The following CACNG3 variants were observed in gnomAD, a reference collection of about 807,000 sequenced individuals.
CACNG3 encodes voltage-dependent calcium channel gamma-3 subunit.
CACNG3 carries 3 observed loss-of-function variants against 28.5 expected under a neutral mutation model. That is an observed-to-expected ratio of 0.11 (90% CI 0.05 to 0.27). CACNG3 has a LOEUF of 0.27. Ranked by LOEUF, CACNG3 falls within the 10% of genes least tolerant of loss-of-function variation. The probability of loss-of-function intolerance (pLI) is 1.00; values close to 1 mark genes in which losing one functional copy is unlikely to be tolerated. For synonymous variants in CACNG3, 174 were observed against 162.2 expected, an observed-to-expected ratio of 1.07 and a Z score of -0.55; for missense variants, 236 against 414.4, an observed-to-expected ratio of 0.57 and a Z score of 3.74.
intron 1 of CACNG3, among the ~76,000 whole-genome samples, chr16:24,326,276 A>C (rs1163123277): frequency 6.6e-6 from 1 of 151,026 alleles, no homozygotes; most frequent in African/African-American, 2.4e-5. Context: ...GGTTCAAGCA[A>C]TTTTCCTCCC....
At chr16:24,303,082 C>T (rs908054520) in intron 1 of CACNG3, among the ~76,000 whole-genome samples, 1 of 152,108 alleles carries the variant, frequency 6.6e-6, no homozygotes, top group Non-Finnish European at 1.5e-5. Flanking sequence ...ACGTGAACCA[C>T]CGCACATGGC....
At chr16:24,288,452 G>T (rs1467259693) in intron 1 of CACNG3, among the ~76,000 whole-genome samples, 1 of 152,154 alleles carries the variant, frequency 6.6e-6, no homozygotes, top group African/African-American at 2.4e-5. Flanking sequence ...AGTATCGCTC[G>T]TGCTTTGGAA....
At chr16:24,292,210 C>G (rs1230082667) in intron 1 of CACNG3, among the ~76,000 whole-genome samples, 1 of 152,154 alleles carries the variant, frequency 6.6e-6, no homozygotes, top group Admixed American at 6.5e-5. Flanking sequence ...CTGTGCCAAA[C>G]AGCTCGATTT....
chr16:24,329,968 T>C (rs1203333485), intron 1 of CACNG3, among the ~76,000 whole-genome samples: 2 of 152,066 alleles, frequency 1.3e-5, no homozygotes, highest in Admixed American at 6.6e-5. Flanking sequence ...CCACAGAGGA[T>C]GGAGGTTGCA....
At position 24,361,970 on chromosome 16, in the gene CACNG3, A is replaced by G. The variant is rs1900108674; in HGVS notation, c.*107A>G. On this transcript the variant is annotated 3_prime_UTR_variant, in exon 4 of 4. Transcript: ENST00000005284. The surrounding 1 kb of genome is among the most constrained non-coding windows in gnomAD (Gnocchi z 6.8). ...TCCTTGTGATGGTATTACTTTTTAC[A>G]AAGAATGAAACCAAATGGACTCAGC... is the stretch of plus-strand genomic sequence containing the variant. The G allele has an allele frequency of 5.9e-6, 7 of 1,185,590 alleles. No individual in the cohort carries two copies. The Admixed American group carries it at 7.7e-5, about 13-fold the overall frequency. 73.4% of individuals were successfully genotyped at this position (1,185,590 alleles called of 1,614,324 possible). A position where few individuals can be genotyped will look rare whatever the true frequency, so the allele number is the denominator to read the frequency against.
intron 1 of CACNG3, among the ~76,000 whole-genome samples, chr16:24,257,482 T>A (rs1898481534): frequency 6.9e-6 from 1 of 145,652 alleles, no homozygotes; most frequent in South Asian, 2.2e-4. Flanking sequence ...CAACATAGAC[T>A]TATCAGTTTC....
chr16:24,327,995 C>T (rs993602876), intron 1 of CACNG3, among the ~76,000 whole-genome samples: 1 of 152,168 alleles, frequency 6.6e-6, no homozygotes, highest in Non-Finnish European at 1.5e-5. Context: ...GTACTCATCC[C>T]ATACATTCAT....
intron 1 of CACNG3, among the ~76,000 whole-genome samples, chr16:24,307,953 G>A (rs1899208246): frequency 6.6e-6 from 1 of 152,158 alleles, no homozygotes; most frequent in African/African-American, 2.4e-5. Context: ...CAGCAGCCCA[G>A]GGCTTGCAAT....
intron 2 of CACNG3, among the ~76,000 whole-genome samples, chr16:24,353,876 A>G (rs1299489176): frequency 6.6e-6 from 1 of 152,144 alleles, no homozygotes; most frequent in Non-Finnish European, 1.5e-5. Flanking sequence ...CGTCATTTGC[A>G]GGGTCCAGTG....
At chr16:24,319,694 T>C (rs1899431723) in intron 1 of CACNG3, among the ~76,000 whole-genome samples, 1 of 152,112 alleles carries the variant, frequency 6.6e-6, no homozygotes, top group Admixed American at 6.5e-5. Flanking sequence ...CCTCAAGCAA[T>C]CCTTCTGCCT....
chr16:24,258,170 C>T (rs917425016), intron 1 of CACNG3, among the ~76,000 whole-genome samples: 13 of 152,330 alleles, frequency 8.5e-5, no homozygotes, highest in African/African-American at 3.1e-4. Context: ...TGAGAACTTG[C>T]ATTTATGTAA....
At chr16:24,303,928 A>T (rs1436784697) in intron 1 of CACNG3, among the ~76,000 whole-genome samples, 1 of 152,110 alleles carries the variant, frequency 6.6e-6, no homozygotes, top group Non-Finnish European at 1.5e-5. Flanking sequence ...GAACAAAAGA[A>T]TTAGGTGGTG....
rs1898465058 is a variant in CACNG3, at chr16:24,256,742, A to G, written c.-13A>G. 1 of 1,585,476 alleles carries G rather than the reference A, an allele frequency of 6.3e-7. No homozygotes were observed. Among genetic ancestry groups the G allele is most frequent in the African/African-American group, 1.3e-5 (1 of 74,492 alleles). On this transcript the variant is annotated 5_prime_UTR_variant, in exon 1 of 4. Coordinates refer to ENST00000005284, the MANE Select transcript of CACNG3 (RefSeq NM_006539.4). This position sits in a 1 kb window ranked among gnomAD's most constrained non-coding sequence, Gnocchi z 4.6. ...CCTCCAACCCCCAGCCGTCCAGAGT[A>G]CCATGAAGAATTATGAGGATGTGTG... is the stretch of plus-strand genomic sequence containing the variant.
At chr16:24,266,968 C>CTT (rs750145274) in intron 1 of CACNG3, among the ~76,000 whole-genome samples, 4 of 137,360 alleles carry the variant, frequency 2.9e-5, no homozygotes, top group Non-Finnish European at 3.2e-5. Context: ...TTTTTAATTT[C>CTT]TTTTTTTTTT....
intron 2 of CACNG3, among the ~76,000 whole-genome samples, chr16:24,348,386 T>A (rs1899898281): frequency 6.6e-6 from 1 of 152,102 alleles, no homozygotes; most frequent in African/African-American, 2.4e-5. Flanking sequence ...ATTGTGCCAT[T>A]GCGCTAATCA....
At chr16:24,272,611 C>A (rs559072704) in intron 1 of CACNG3, among the ~76,000 whole-genome samples, 1 of 152,180 alleles carries the variant, frequency 6.6e-6, no homozygotes, top group Admixed American at 6.5e-5. Flanking sequence ...TCCTAGAGAT[C>A]TTCCTACAAT....
At chr16:24,313,736 TTTTA>T (rs751561512) in intron 1 of CACNG3, among the ~76,000 whole-genome samples, 1 of 151,640 alleles carries the variant, frequency 6.6e-6, no homozygotes, top group Admixed American at 6.6e-5. Context: ...ACTTTTATGT[TTTTA>T]TTTATTTATT....
At chr16:24,306,400 G>T (rs929690706) in intron 1 of CACNG3, among the ~76,000 whole-genome samples, 1 of 152,236 alleles carries the variant, frequency 6.6e-6, no homozygotes, top group Non-Finnish European at 1.5e-5. Context: ...TCCTGTGCAA[G>T]AGTATGGGGT....
At chr16:24,351,835 T>C (rs1227271043) in intron 2 of CACNG3, among the ~76,000 whole-genome samples, 5 of 113,680 alleles carry the variant, frequency 4.4e-5, no homozygotes, top group East Asian at 2.1e-4. Flanking sequence ...CTCTCTCTTT[T>C]TTTTTTTTTT....
Sources: gnomAD v4.1 joint callset for allele counts (sites outside exome capture counted in the v4.1 genomes callset) on GRCh38, gnomAD v4.1.1 for gene constraint, Gnocchi (gnomAD v3.1) non-coding constraint, MANE v1.5 for transcripts, NCBI Gene and HGNC (gene_info 2026-07-23, HGNC 2026-07-21) for gene names.